The following SH3KBP1 variants were observed in gnomAD, a reference collection of about 807,000 sequenced individuals.
The protein encoded by SH3KBP1 is SH3 domain-containing kinase-binding protein 1.
In SH3KBP1, 8 loss-of-function variants were observed where a neutral mutation model predicts 50.1. The observed-to-expected ratio is 0.16, with a 90% confidence interval of 0.09 to 0.29. The LOEUF (loss-of-function observed/expected upper bound fraction) is 0.29, where lower values mean the gene tolerates loss of function less well. Among genes scored for constraint, SH3KBP1 ranks in the 10% least tolerant of loss-of-function variants. The pLI, the probability that SH3KBP1 is intolerant of heterozygous loss-of-function variation, is 1.00. For missense variants in SH3KBP1, 377 were observed against 535.2 expected, an observed-to-expected ratio of 0.70 and a Z score of 2.92; for synonymous variants, 227 against 218.6, an observed-to-expected ratio of 1.04 and a Z score of -0.34.
chrX:19,734,284 C>T (rs765557371), intron 3 of SH3KBP1, among the ~76,000 whole-genome samples: 1 of 111,778 alleles, frequency 8.9e-6, no homozygotes, highest in South Asian at 3.7e-4. Flanking sequence ...TTGGGTCACC[C>T]TTAGCAAAAC....
chrX:19,660,217 T>C (rs1266346956), intron 6 of SH3KBP1, among the ~76,000 whole-genome samples: 1 of 112,566 alleles, frequency 8.9e-6, no homozygotes, highest in African/African-American at 3.2e-5. Flanking sequence ...GAAATGGACA[T>C]AACAATATAC....
At chrX:19,723,142 C>CAAA (rs61434855) in intron 3 of SH3KBP1, among the ~76,000 whole-genome samples, 8 of 31,033 alleles carry the variant, frequency 2.6e-4, no homozygotes, top group Admixed American at 4.0e-4. Context: ...GACTCCGTCT[C>CAAA]AAAAAAAAAA....
intron 3 of SH3KBP1, among the ~76,000 whole-genome samples, chrX:19,735,731 G>A (rs1483070836): frequency 1.4e-5 from 1 of 72,612 alleles, no homozygotes; most frequent in Non-Finnish European, 2.7e-5. Context: ...TGGCGGGGGG[G>A]GGGGGTGGGG....
intron 7 of SH3KBP1, among the ~76,000 whole-genome samples, chrX:19,636,138 CACAT>C (rs1346966847): frequency 4.5e-5 from 5 of 110,452 alleles, no homozygotes; most frequent in African/African-American, 1.3e-4. Flanking sequence ...TAGACACACA[CACAT>C]AGAGAGAGAG....
chrX:19,833,274 C>T (rs1210847719), intron 2 of SH3KBP1, among the ~76,000 whole-genome samples: 3 of 96,634 alleles, frequency 3.1e-5, no homozygotes, highest in African/African-American at 1.2e-4. Context: ...GGTCCCCCTA[C>T]CTCTTTCCCA....
At chrX:19,826,937 C>G (rs2067697542) in intron 2 of SH3KBP1, among the ~76,000 whole-genome samples, 1 of 111,861 alleles carries the variant, frequency 8.9e-6, no homozygotes, top group Admixed American at 9.5e-5. Flanking sequence ...CTTTATGACA[C>G]TTGTTGAAGT....
intron 2 of SH3KBP1, among the ~76,000 whole-genome samples, chrX:19,760,611 G>T (rs933560480): frequency 4.5e-5 from 5 of 109,980 alleles, no homozygotes; most frequent in African/African-American, 1.7e-4. Context: ...TTCCAGTAAG[G>T]AGCAGCTAGA....
chrX:19,887,002 T>G lies in SH3KBP1; in HGVS notation c.4+305A>C, dbSNP rs373191703. ...TGCAAAAATGGCCAAGACAAAACTC[T>G]CCCCGCCCACCCGAAAAACCAACCA... On this transcript the variant is annotated intron_variant, in intron 1 of 17. Transcript: ENST00000397821. 1.3e-4 allele frequency among the ~76,000 whole-genome samples: 14 copies of G among 109,428 alleles called. No individual in the cohort carries two copies. In the East Asian group the frequency reaches 2.9e-3, roughly 23 times the overall value.
At chrX:19,771,641 A>T (rs1046429189) in intron 2 of SH3KBP1, among the ~76,000 whole-genome samples, 13 of 111,521 alleles carry the variant, frequency 1.2e-4, no homozygotes, top group African/African-American at 4.2e-4. Flanking sequence ...AAGCGGGCAG[A>T]TCGCCTGAGG....
chrX:19,651,318 T>G (rs1048586990), intron 6 of SH3KBP1, among the ~76,000 whole-genome samples: 1 of 111,027 alleles, frequency 9.0e-6, no homozygotes, highest in Admixed American at 9.5e-5. Context: ...CTATTTGATA[T>G]CAATAGAAGA....
At chrX:19,720,770 GAC>G (rs1175692754) in intron 3 of SH3KBP1, among the ~76,000 whole-genome samples, 1 of 111,466 alleles carries the variant, frequency 9.0e-6, no homozygotes, top group Admixed American at 9.5e-5. Context: ...GAGAAAAAAA[GAC>G]ACAAACATTT....
intron 1 of SH3KBP1, among the ~76,000 whole-genome samples, chrX:19,885,147 A>C (rs931452523): frequency 1.8e-5 from 2 of 111,113 alleles, no homozygotes; most frequent in Non-Finnish European, 1.9e-5. Flanking sequence ...CATCAAATTG[A>C]TAAACTGGAT....
rs188553917 is a variant in SH3KBP1 at position 19,605,325 on chromosome X, C to T, written c.1005+2613G>A. ...TGGTAATTAGCTAGATTCAGTCATT[C>T]CACAATGTATATATACTTAAAAGCA... On this transcript the variant is annotated intron_variant, in intron 9 of 17. Transcript: ENST00000397821. Among the ~76,000 whole-genome samples, 265 of 111,666 alleles carry T rather than the reference C, an allele frequency of 2.4e-3. 1 individual carries two copies. The highest frequency in any genetic ancestry group is 4.1e-3 in the Non-Finnish European group (216 of 53,145).
intron 2 of SH3KBP1, among the ~76,000 whole-genome samples, chrX:19,774,397 C>T (rs778322563): frequency 3.6e-5 from 4 of 110,949 alleles, no homozygotes; most frequent in South Asian, 7.5e-4. Flanking sequence ...AGCCGCCGGG[C>T]GCGGTGGCTC....
intron 9 of SH3KBP1, among the ~76,000 whole-genome samples, chrX:19,599,919 G>T (rs192642031): frequency 1.8e-5 from 2 of 108,322 alleles, no homozygotes; most frequent in Admixed American, 2.0e-4. Context: ...AGGCAGAGGC[G>T]GGCAGATCAC....
chrX:19,820,253 A>C (rs1405765697), intron 2 of SH3KBP1, among the ~76,000 whole-genome samples: 1 of 112,222 alleles, frequency 8.9e-6, no homozygotes, highest in Non-Finnish European at 1.9e-5. Context: ...CAGGCCTTCT[A>C]TACCCTTGCT....
chrX:19,538,617 C>T (rs1255421566), intron 16 of SH3KBP1, among the ~76,000 whole-genome samples: 1 of 109,101 alleles, frequency 9.2e-6, no homozygotes, highest in Non-Finnish European at 1.9e-5. Flanking sequence ...GATGGAGTCC[C>T]ACTCTGTTGC....
At chrX:19,800,215 G>A (rs919845215) in intron 2 of SH3KBP1, among the ~76,000 whole-genome samples, 2 of 112,188 alleles carry the variant, frequency 1.8e-5, no homozygotes, top group African/African-American at 6.5e-5. Flanking sequence ...GCCCTGAAAT[G>A]CACTCTAAAA....
intron 3 of SH3KBP1, among the ~76,000 whole-genome samples, chrX:19,725,213 G>T (rs2064182241): frequency 9.2e-6 from 1 of 108,440 alleles, no homozygotes; most frequent in Non-Finnish European, 1.9e-5. Context: ...AGCACTTTGG[G>T]AGGTTGAGGC....
Sources: gnomAD v4.1 joint callset for allele counts (sites outside exome capture counted in the v4.1 genomes callset) on GRCh38, gnomAD v4.1.1 for gene constraint, MANE v1.5 for transcripts, NCBI Gene and HGNC (gene_info 2026-07-23, HGNC 2026-07-21) for gene names.